Variants in GNG2 observed in about 807,000 individuals in gnomAD.
GNG2 encodes guanine nucleotide-binding protein G(I)/G(S)/G(O) subunit gamma-2.
A neutral mutation model predicts 5.5 loss-of-function variants in GNG2; 5 were observed. The observed-to-expected ratio is 0.91, with a 90% CI of 0.48 to 1.92. The LOEUF (loss-of-function observed/expected upper bound fraction) is 1.92, where lower values mean the gene tolerates loss of function less well. GNG2 is among the 30% of genes most tolerant of loss of function. The pLI, the probability that GNG2 is intolerant of heterozygous loss-of-function variation, is 0.01. For missense variants in GNG2, 55 were observed against 88.4 expected, an observed-to-expected ratio of 0.62 and a Z score of 1.52; for synonymous variants, 28 against 32.0, an observed-to-expected ratio of 0.88 and a Z score of 0.42.
At chr14:51,942,592 T>TCTTTC in intron 2 of GNG2, among the ~76,000 whole-genome samples, 1 of 132,206 alleles carries the variant, frequency 7.6e-6, no homozygotes, top group African/African-American at 2.9e-5. Context: ...TTTCTTTCTT[T>TCTTTC]TTTTTTTTTT....
At chr14:51,875,100 C>A (rs1883569257) in intron 1 of GNG2, among the ~76,000 whole-genome samples, 2 of 152,214 alleles carry the variant, frequency 1.3e-5, no homozygotes, top group Admixed American at 1.3e-4. Flanking sequence ...CAGTGGCTAA[C>A]ATAAGTTAGA....
intron 1 of GNG2, among the ~76,000 whole-genome samples, chr14:51,867,994 T>C (rs1333071716): frequency 6.6e-6 from 1 of 152,240 alleles, no homozygotes; most frequent in Non-Finnish European, 1.5e-5. Context: ...GCAGTTTGTT[T>C]ATCATTCATT....
At chr14:51,931,081 G>C (rs1307544441) in intron 2 of GNG2, among the ~76,000 whole-genome samples, 1 of 152,138 alleles carries the variant, frequency 6.6e-6, no homozygotes, top group Non-Finnish European at 1.5e-5. Flanking sequence ...CTGGGTGATA[G>C]AGCAAGACTC....
chr14:51,902,102 G>T (rs1053200346), intron 2 of GNG2, among the ~76,000 whole-genome samples: 2 of 150,370 alleles, frequency 1.3e-5, no homozygotes, highest in African/African-American at 4.9e-5. Context: ...ATTTTAAATA[G>T]ATTTTGATTA....
At chr14:51,848,517 G>A (rs1169726783) in intron 2 of GNG2, among the ~76,000 whole-genome samples, 1 of 152,178 alleles carries the variant, frequency 6.6e-6, no homozygotes, top group Non-Finnish European at 1.5e-5. Context: ...TCTCAGGGGA[G>A]AGTACTGTGC....
At chr14:51,951,901 C>T (rs373518662) in intron 3 of GNG2, 1 of 702,116 alleles carries the variant, frequency 1.4e-6, no homozygotes, top group African/African-American at 1.7e-5. Context: ...TTCACTGACC[C>T]CTGGTCTACA....
intron 2 of GNG2, among the ~76,000 whole-genome samples, chr14:51,927,194 T>C (rs1887382735): frequency 1.7e-4 from 1 of 5,828 alleles, no homozygotes; most frequent in East Asian, 6.3e-3. Flanking sequence ...TTTACTGTTA[T>C]TTGGCCAGTG....
intron 2 of GNG2, among the ~76,000 whole-genome samples, chr14:51,894,872 A>G (rs1460740012): frequency 6.6e-6 from 1 of 152,162 alleles, no homozygotes; most frequent in Non-Finnish European, 1.5e-5. Flanking sequence ...CCTAAGTAGC[A>G]GTATAGATAG....
intron 2 of GNG2, among the ~76,000 whole-genome samples, chr14:51,915,064 T>C (rs1294068829): frequency 1.3e-5 from 2 of 152,242 alleles, no homozygotes; most frequent in Non-Finnish European, 2.9e-5. Flanking sequence ...ATCAGAAAAC[T>C]ATGTAACCCA....
chr14:51,882,342 C>T (rs1263121093), intron 2 of GNG2, among the ~76,000 whole-genome samples: 3 of 152,206 alleles, frequency 2.0e-5, no homozygotes, highest in Admixed American at 6.5e-5. Flanking sequence ...ACTGTTTCCT[C>T]CTACCTTCAA....
chr14:51,956,323 T>G (rs1047404816), intron 3 of GNG2, among the ~76,000 whole-genome samples: 1 of 152,146 alleles, frequency 6.6e-6, no homozygotes, highest in African/African-American at 2.4e-5. Flanking sequence ...GTGAGTAACC[T>G]GGGGGCCTAC....
At chr14:51,952,342 G>A (rs761836945) in intron 3 of GNG2, among the ~76,000 whole-genome samples, 5 of 152,094 alleles carry the variant, frequency 3.3e-5, no homozygotes, top group South Asian at 2.1e-4. Flanking sequence ...CGACCTTACC[G>A]TGCTCCTTTG....
intron 1 of GNG2, chr14:51,861,355 T>G (rs1258317137): frequency 2.0e-5 from 3 of 152,206 alleles, no homozygotes; most frequent in African/African-American, 7.2e-5. Flanking sequence ...GTGCAGCTGC[T>G]TTCAGGATAA....
chr14:51,835,775 A>G (rs182595423), intron 2 of GNG2, among the ~76,000 whole-genome samples: 3 of 152,316 alleles, frequency 2.0e-5, no homozygotes, highest in Admixed American at 6.5e-5. Flanking sequence ...CAAAGTAGAA[A>G]ACTTTAGCAA....
At chr14:51,915,626 C>T (rs1886574662) in intron 2 of GNG2, among the ~76,000 whole-genome samples, 1 of 152,140 alleles carries the variant, frequency 6.6e-6, no homozygotes, top group Non-Finnish European at 1.5e-5. Context: ...CAAAAGTCTT[C>T]CTCTGAATTT....
chr14:51,950,568 A>G, intron 2 of GNG2, 82 bp from the exon 3 acceptor site: 1 of 832,086 alleles, frequency 1.2e-6, no homozygotes, highest in Non-Finnish European at 2.0e-6. Context: ...CACTGCTTTG[A>G]GATCCCCTAG....
intron 2 of GNG2, among the ~76,000 whole-genome samples, chr14:51,851,279 T>C (rs1953865): frequency 0.17 from 25,315 of 152,076 alleles, 2,237 homozygotes; most frequent in East Asian, 0.19. Context: ...TGGCTCCCCA[T>C]ATGCATACTC....
At chr14:51,953,166 TAA>T (rs1889085722) in intron 3 of GNG2, among the ~76,000 whole-genome samples, 1 of 152,208 alleles carries the variant, frequency 6.6e-6, no homozygotes, top group Non-Finnish European at 1.5e-5. Flanking sequence ...TTAGGTCCTT[TAA>T]AAAGTTTTCC....
chr14:51,871,536 A>T (rs988696361), intron 1 of GNG2, among the ~76,000 whole-genome samples: 1 of 152,232 alleles, frequency 6.6e-6, no homozygotes, highest in Non-Finnish European at 1.5e-5. Flanking sequence ...ATAAGATAAT[A>T]TCTACTTCAC....
Sources: allele counts gnomAD v4.1 joint callset (sites outside exome capture counted in the v4.1 genomes callset), GRCh38; gene constraint gnomAD v4.1.1; transcripts MANE v1.5; gene names NCBI Gene and HGNC (gene_info 2026-07-23, HGNC 2026-07-21).